The following ALPK1 variants were observed in gnomAD, a reference collection of about 807,000 sequenced individuals.
The protein encoded by ALPK1 is alpha-protein kinase 1.
In ALPK1, 110 loss-of-function variants were observed where a neutral mutation model predicts 120.6. The observed-to-expected ratio is 0.91, with a 90% CI of 0.78 to 1.07. The LOEUF is 1.07. ALPK1 is among the 50% of genes least tolerant of loss of function. The pLI, the probability that ALPK1 is intolerant of heterozygous loss-of-function variation, is 0.00. For synonymous variants in ALPK1, 582 were observed against 560.3 expected, an observed-to-expected ratio of 1.04 and a Z score of -0.55; for missense variants, 1,498 against 1,483.9, an observed-to-expected ratio of 1.01 and a Z score of -0.16.
chr4:112,310,485 G>T (rs745578296), intron 1 of ALPK1, among the ~76,000 whole-genome samples: 1 of 152,080 alleles, frequency 6.6e-6, no homozygotes, highest in Non-Finnish European at 1.5e-5. Flanking sequence ...AAAGCAGGTT[G>T]TCCATAGCAT....
At chr4:112,341,200 G>A (rs543693192) in intron 2 of ALPK1, among the ~76,000 whole-genome samples, 1 of 152,292 alleles carries the variant, frequency 6.6e-6, no homozygotes, top group South Asian at 2.1e-4. Context: ...ATTCATGAAA[G>A]CGTGTTCTTT....
chr4:112,426,388 A>G, intron 7 of ALPK1, 79 bp from the exon 8 acceptor site: 2 of 1,127,312 alleles, frequency 1.8e-6, no homozygotes, highest in East Asian at 2.5e-5. Context: ...ATTTGTTTTC[A>G]AAGGTTTTCT....
chr4:112,429,839 CAAAA>C (rs756983786), intron 10 of ALPK1, among the ~76,000 whole-genome samples: 1 of 40,116 alleles, frequency 2.5e-5, no homozygotes, highest in Non-Finnish European at 4.9e-5. Flanking sequence ...GACCCTACCT[CAAAA>C]AAAAAAAAAA....
chr4:112,391,048 G>A (rs1374316095), intron 4 of ALPK1, among the ~76,000 whole-genome samples: 1 of 152,174 alleles, frequency 6.6e-6, no homozygotes, highest in Non-Finnish European at 1.5e-5. Context: ...CTAGACTGAG[G>A]TAGATTGTAT....
chr4:112,325,028 G>C (rs1729050966), intron 2 of ALPK1, among the ~76,000 whole-genome samples: 1 of 150,982 alleles, frequency 6.6e-6, no homozygotes, highest in Admixed American at 6.6e-5. Context: ...TCAAATTTCA[G>C]ACCTGATAAG....
Position 112,431,973 on chromosome 4 carries a change from C to T in ALPK1, c.2426C>T (p.Ser809Phe). 6.2e-7 allele frequency: 1 copy of T among 1,614,148 alleles called. No homozygotes were observed. Among genetic ancestry groups the T allele is most frequent in the Non-Finnish European group, 8.5e-7 (1 of 1,180,034 alleles). Residue 809 changes from serine (S) to phenylalanine (F), a missense_variant, in exon 11 of 16, where the codon TCT becomes TTT. By Grantham distance (155) the Ser-to-Phe change is radical. Transcript: ENST00000650871. ...GACTTTCACAGGGTCCTGCACAATT[C>T]TCTGGGAAACATTTCCATGCTGCCA... ...PLDFHRVLHN[S>F]LGNISMLPCS...
intron 1 of ALPK1, among the ~76,000 whole-genome samples, chr4:112,301,942 G>A (rs1727805387): frequency 1.3e-5 from 2 of 151,936 alleles, no homozygotes; most frequent in South Asian, 4.2e-4. Context: ...TGTCTTTGTG[G>A]ACAACTGAAC....
At chr4:112,372,811 C>T (rs1731475484) in intron 2 of ALPK1, among the ~76,000 whole-genome samples, 1 of 152,120 alleles carries the variant, frequency 6.6e-6, no homozygotes, top group Admixed American at 6.5e-5. Context: ...TAACCACAAC[C>T]CTACTCTCTG....
At chr4:112,403,035 T>C (rs1732991495) in intron 4 of ALPK1, among the ~76,000 whole-genome samples, 1 of 152,262 alleles carries the variant, frequency 6.6e-6, no homozygotes, top group South Asian at 2.1e-4. Flanking sequence ...TGTTTTCTTT[T>C]TCTTTCTTTT....
At chr4:112,402,808 G>T (rs1206157198) in intron 4 of ALPK1, among the ~76,000 whole-genome samples, 1 of 152,154 alleles carries the variant, frequency 6.6e-6, no homozygotes, top group Non-Finnish European at 1.5e-5. Context: ...TAGAATCCCT[G>T]TAAGTTTTTG....
intron 4 of ALPK1, among the ~76,000 whole-genome samples, chr4:112,393,764 C>T (rs990960480): frequency 7.9e-5 from 12 of 152,192 alleles, no homozygotes; most frequent in African/African-American, 2.4e-4. Context: ...GACTCAAGTA[C>T]TGCATCTTTT....
chr4:112,317,877 T>C (rs1300016945), intron 2 of ALPK1, among the ~76,000 whole-genome samples: 1 of 152,182 alleles, frequency 6.6e-6, no homozygotes, highest in African/African-American at 2.4e-5. Flanking sequence ...TGTTACTTAT[T>C]ATCCAAGCAC....
intron 2 of ALPK1, among the ~76,000 whole-genome samples, chr4:112,323,285 G>T (rs1728942732): frequency 6.6e-6 from 1 of 152,074 alleles, no homozygotes; most frequent in African/African-American, 2.4e-5. Context: ...CCTCAAAGTG[G>T]TAAATTAAAC....
At chr4:112,439,304 T>C (rs145021013) in intron 13 of ALPK1, among the ~76,000 whole-genome samples, 203 of 152,308 alleles carry the variant, frequency 1.3e-3, no homozygotes, top group African/African-American at 4.5e-3. Context: ...ACCTTAACTC[T>C]AACCTTTGAA....
chr4:112,393,769 T>C (rs1471318252), intron 4 of ALPK1, among the ~76,000 whole-genome samples: 1 of 152,216 alleles, frequency 6.6e-6, no homozygotes, highest in Non-Finnish European at 1.5e-5. Context: ...AAGTACTGCA[T>C]CTTTTCTCCA....
intron 2 of ALPK1, among the ~76,000 whole-genome samples, chr4:112,367,101 A>G (rs572352185): frequency 6.6e-6 from 1 of 152,356 alleles, no homozygotes; most frequent in Non-Finnish European, 1.5e-5. Flanking sequence ...TACAGTGTAC[A>G]GTGTTCGGGT....
intron 11 of ALPK1, among the ~76,000 whole-genome samples, chr4:112,433,326 A>G (rs749255507): frequency 3.3e-5 from 5 of 152,172 alleles, no homozygotes; most frequent in Admixed American, 6.5e-5. Context: ...GTCCTCACAT[A>G]GTGGAAGGGG....
chr4:112,340,925 G>T (rs949669048), intron 2 of ALPK1, among the ~76,000 whole-genome samples: 29 of 152,356 alleles, frequency 1.9e-4, no homozygotes, highest in Admixed American at 1.9e-3. Context: ...TCCATGTAAT[G>T]ATGTGTAGCA....
At chr4:112,310,993 A>C (rs1476625880) in intron 1 of ALPK1, among the ~76,000 whole-genome samples, 4 of 151,188 alleles carry the variant, frequency 2.6e-5, no homozygotes, top group Non-Finnish European at 5.9e-5. Context: ...AGAAAGGAGG[A>C]AACTGAGGTC....
Sources: allele counts gnomAD v4.1 joint callset (sites outside exome capture counted in the v4.1 genomes callset), GRCh38; gene constraint gnomAD v4.1.1; transcripts MANE v1.5; gene names NCBI Gene and HGNC (gene_info 2026-07-23, HGNC 2026-07-21).